The following GLIS3 variants were observed in gnomAD, a reference collection of about 807,000 sequenced individuals.
The protein encoded by GLIS3 is GLIS family zinc finger 3.
Under a neutral mutation model 78.6 loss-of-function variants are expected in GLIS3, and 53 were observed. The ratio of observed to expected loss-of-function variants is 0.67; its 90% confidence interval spans 0.54 to 0.85. GLIS3 has a LOEUF of 0.85. Among genes scored for constraint, GLIS3 ranks in the 40% least tolerant of loss-of-function variants. GLIS3 has a pLI of 0.00. For synonymous variants in GLIS3, 684 were observed against 509.9 expected (o/e 1.34, Z -4.60); for missense variants, 1,703 against 1,231.1 (o/e 1.38, Z -5.74).
chr9:4,096,818 C>A (rs993908623), intron 4 of GLIS3, among the ~76,000 whole-genome samples: 4 of 152,118 alleles, frequency 2.6e-5, no homozygotes, highest in Non-Finnish European at 5.9e-5. Context: ...TCAAGACCAG[C>A]CTGGGCAACA....
At chr9:4,162,285 C>A (rs1257019426) in intron 2 of GLIS3, among the ~76,000 whole-genome samples, 1 of 152,096 alleles carries the variant, frequency 6.6e-6, no homozygotes, top group Non-Finnish European at 1.5e-5. Flanking sequence ...ATTTTTTTAA[C>A]TTGATTACAT....
the GLIS3 span, among the ~76,000 whole-genome samples, chr9:4,367,116 C>G: frequency 3.9e-5 from 6 of 152,192 alleles, no homozygotes; most frequent in East Asian, 1.9e-4. Flanking sequence ...TCATATTACT[C>G]AAACTCAAAG....
At chr9:4,166,905 G>A (rs1047609326) in intron 2 of GLIS3, among the ~76,000 whole-genome samples, 5 of 152,230 alleles carry the variant, frequency 3.3e-5, no homozygotes, top group Non-Finnish European at 7.3e-5. Flanking sequence ...TGAGAGGAAG[G>A]AAGGGGATAA....
intron 8 of GLIS3, among the ~76,000 whole-genome samples, chr9:3,862,306 C>G (rs1383649221): frequency 6.6e-6 from 1 of 152,110 alleles, no homozygotes; most frequent in Non-Finnish European, 1.5e-5. Context: ...TTATCATGGG[C>G]TAGTGGGAGA....
chr9:4,331,794 T>C (rs1015598546), intron 2 of GLIS3, among the ~76,000 whole-genome samples: 1 of 152,124 alleles, frequency 6.6e-6, no homozygotes, highest in African/African-American at 2.4e-5. Context: ...CAGATGAACA[T>C]CTGGGTGGGA....
chr9:4,241,384 G>T (rs1419711400), intron 2 of GLIS3, among the ~76,000 whole-genome samples: 1 of 152,104 alleles, frequency 6.6e-6, no homozygotes, highest in Non-Finnish European at 1.5e-5. Flanking sequence ...ATAAGACCTA[G>T]TGTTTGATAC....
the GLIS3 span, among the ~76,000 whole-genome samples, chr9:4,421,601 C>T: frequency 6.6e-6 from 1 of 152,228 alleles, no homozygotes; most frequent in Non-Finnish European, 1.5e-5. Context: ...ACCCAAGATA[C>T]AGTTGTCACT....
chr9:4,088,871 T>G (rs759163323), intron 4 of GLIS3, among the ~76,000 whole-genome samples: 3 of 152,266 alleles, frequency 2.0e-5, no homozygotes, highest in Non-Finnish European at 4.4e-5. Context: ...GCCAAAATCC[T>G]ACATGGCAGG....
At chr9:4,074,190 A>G (rs1216235444) in intron 4 of GLIS3, among the ~76,000 whole-genome samples, 1 of 152,146 alleles carries the variant, frequency 6.6e-6, no homozygotes, top group Non-Finnish European at 1.5e-5. Context: ...AATATCATGA[A>G]CCAGGGGTCT....
intron 2 of GLIS3, among the ~76,000 whole-genome samples, chr9:4,250,417 T>C (rs1343474457): frequency 6.6e-6 from 1 of 152,230 alleles, no homozygotes; most frequent in Non-Finnish European, 1.5e-5. Context: ...GTGTTTATAG[T>C]ATTCTCTGAT....
chr9:3,961,803 A>C (rs567711557), intron 4 of GLIS3, among the ~76,000 whole-genome samples: 1 of 152,340 alleles, frequency 6.6e-6, no homozygotes, highest in Non-Finnish European at 1.5e-5. Flanking sequence ...GAGAAGTTGC[A>C]TTAACTCTTT....
chr9:4,475,072 C>A, the GLIS3 span, among the ~76,000 whole-genome samples: 1 of 143,066 alleles, frequency 7.0e-6, no homozygotes, highest in Non-Finnish European at 1.5e-5. Context: ...CGGCTCACTG[C>A]AAACTCTGCC....
intron 4 of GLIS3, among the ~76,000 whole-genome samples, chr9:4,079,895 AG>A (rs1423216587): frequency 6.6e-6 from 1 of 152,224 alleles, no homozygotes; most frequent in Non-Finnish European, 1.5e-5. Context: ...TTTAAAAAAA[AG>A]GGAAGAAAAT....
chr9:4,237,887 C>A (rs1002934316), intron 2 of GLIS3, among the ~76,000 whole-genome samples: 2 of 152,222 alleles, frequency 1.3e-5, no homozygotes, highest in Admixed American at 1.3e-4. Flanking sequence ...TGGCTTTAAA[C>A]AACTTTCCCT....
chr9:3,851,801 A>G (rs1041857196), intron 9 of GLIS3, among the ~76,000 whole-genome samples: 1 of 152,212 alleles, frequency 6.6e-6, no homozygotes, highest in Non-Finnish European at 1.5e-5. Flanking sequence ...ATATAAATGT[A>G]TATTTATTTT....
At chr9:4,483,271 C>T in the GLIS3 span, among the ~76,000 whole-genome samples, 8 of 152,166 alleles carry the variant, frequency 5.3e-5, no homozygotes, top group East Asian at 1.9e-4. Context: ...ACCACTGCCG[C>T]GTGAAATGTA....
chr9:4,042,513 G>A (rs1010182813), intron 4 of GLIS3, among the ~76,000 whole-genome samples: 8 of 152,128 alleles, frequency 5.3e-5, no homozygotes, highest in Non-Finnish European at 1.0e-4. Flanking sequence ...AGAATGAGTA[G>A]AGCATAAAAC....
At chr9:4,192,494 C>T (rs1818415872) in intron 2 of GLIS3, among the ~76,000 whole-genome samples, 1 of 152,224 alleles carries the variant, frequency 6.6e-6, no homozygotes, top group Non-Finnish European at 1.5e-5. Flanking sequence ...GAACTCAACA[C>T]ATTCCTATGT....
At chr9:4,213,614 A>G (rs1435034052) in intron 2 of GLIS3, among the ~76,000 whole-genome samples, 1 of 152,212 alleles carries the variant, frequency 6.6e-6, no homozygotes, top group Non-Finnish European at 1.5e-5. Flanking sequence ...GCTAGAGACT[A>G]CCATATTGAA....
Sources: allele counts gnomAD v4.1 joint callset (sites outside exome capture counted in the v4.1 genomes callset), GRCh38; gene constraint gnomAD v4.1.1; transcripts MANE v1.5; gene names NCBI Gene and HGNC (gene_info 2026-07-23, HGNC 2026-07-21).